Variants in MARCHF10 observed in about 807,000 individuals in gnomAD.
The protein encoded by MARCHF10 is probable E3 ubiquitin-protein ligase MARCHF10.
MARCHF10 carries 64 observed loss-of-function variants against 76.2 expected under a neutral mutation model. The observed-to-expected ratio is 0.84, with a 90% CI of 0.69 to 1.03. MARCHF10 has a LOEUF of 1.03. Ranked by LOEUF, MARCHF10 falls within the 50% of genes least tolerant of loss-of-function variation. The pLI, the probability that MARCHF10 is intolerant of heterozygous loss-of-function variation, is 0.00. For synonymous variants in MARCHF10, 340 were observed against 357.5 expected (o/e 0.95, Z 0.55); for missense variants, 875 against 958.0 (o/e 0.91, Z 1.14).
chr17:62,777,610 T>C (rs2092574858), intron 3 of MARCHF10, among the ~76,000 whole-genome samples: 1 of 143,308 alleles, frequency 7.0e-6, no homozygotes, highest in Non-Finnish European at 1.5e-5. Context: ...TCCCAGATAC[T>C]AGGGAGGCTG....
chr17:62,725,721 A>T (rs1166373302), intron 6 of MARCHF10, among the ~76,000 whole-genome samples: 1 of 152,238 alleles, frequency 6.6e-6, no homozygotes, highest in African/African-American at 2.4e-5. Context: ...TCTCCCTGCC[A>T]GGAAGTTGGT....
intron 8 of MARCHF10, among the ~76,000 whole-genome samples, chr17:62,719,214 C>G (rs189982048): frequency 6.6e-6 from 1 of 152,086 alleles, no homozygotes; most frequent in Non-Finnish European, 1.5e-5. Context: ...TTCTAGTAGC[C>G]ACATTAAAGA....
intron 8 of MARCHF10, chr17:62,714,289 T>G: frequency 1.5e-6 from 1 of 672,608 alleles, no homozygotes; most frequent in Non-Finnish European, 1.8e-6. Context: ...CACCGGACAC[T>G]GTGACTTTAG....
chr17:62,705,971 T>C (rs1456885672), intron 9 of MARCHF10, among the ~76,000 whole-genome samples: 1 of 152,226 alleles, frequency 6.6e-6, no homozygotes. Context: ...CAATCGCTTG[T>C]ATTCTCTGCG....
At chr17:62,774,552 C>T (rs958701821) in intron 3 of MARCHF10, among the ~76,000 whole-genome samples, 2 of 152,012 alleles carry the variant, frequency 1.3e-5, no homozygotes, top group South Asian at 2.1e-4. Context: ...AGCTTCACTG[C>T]GGCAGGGAGG....
intron 8 of MARCHF10, among the ~76,000 whole-genome samples, chr17:62,713,311 A>T (rs1390526960): frequency 6.6e-6 from 1 of 152,194 alleles, no homozygotes; most frequent in Non-Finnish European, 1.5e-5. Flanking sequence ...TCAGCTAGAA[A>T]ATGGTTTGGA....
chr17:62,772,329 G>T (rs150046752), intron 3 of MARCHF10, among the ~76,000 whole-genome samples: 8 of 152,176 alleles, frequency 5.3e-5, no homozygotes, highest in South Asian at 2.1e-4. Context: ...AGTGCCTTTC[G>T]CCTTCTGCCA....
intron 4 of MARCHF10, chr17:62,746,916 A>C (rs1599201234): frequency 6.5e-7 from 1 of 1,536,138 alleles, no homozygotes; most frequent in Non-Finnish European, 8.7e-7. Flanking sequence ...CCCAGACTGC[A>C]CCAGCCAGAA....
In MARCHF10 at chr17:62,714,476, C is replaced by A. The variant is rs1452925637; in HGVS notation, c.2215-3132G>T. 8 of 953,870 alleles carry A rather than the reference C, an allele frequency of 8.4e-6. No homozygotes were observed. In the African/African-American group the frequency reaches 1.4e-4, roughly 17 times the overall value. 59.1% of individuals were successfully genotyped at this position (953,870 alleles called of 1,614,324 possible). A position where few individuals can be genotyped will look rare whatever the true frequency, so the allele number is the denominator to read the frequency against. On this transcript the variant is annotated intron_variant, in intron 8 of 10. Transcript: ENST00000311269. ...AAAGACAGGATTCCAGGTAAATTGT[C>A]TGGGCGTTAAGATCTGTGAGGGCAA...
intron 3 of MARCHF10, among the ~76,000 whole-genome samples, chr17:62,765,476 T>G (rs1219386251): frequency 6.6e-6 from 1 of 151,784 alleles, no homozygotes; most frequent in Non-Finnish European, 1.5e-5. Context: ...GCCTACAGGC[T>G]TCTCTCGGAT....
At chr17:62,762,038 A>C (rs1015932915) in intron 3 of MARCHF10, among the ~76,000 whole-genome samples, 8 of 152,186 alleles carry the variant, frequency 5.3e-5, no homozygotes, top group African/African-American at 1.9e-4. Flanking sequence ...TGTCAGCAGC[A>C]GTAGCAGCAG....
At chr17:62,702,762 C>T (rs1161276775) in intron 10 of MARCHF10, among the ~76,000 whole-genome samples, 1 of 152,180 alleles carries the variant, frequency 6.6e-6, no homozygotes, top group Admixed American at 6.5e-5. Flanking sequence ...GACATCCCCT[C>T]AATCCTACCT....
At chr17:62,730,180 C>T (rs975976991) in intron 6 of MARCHF10, among the ~76,000 whole-genome samples, 5 of 150,856 alleles carry the variant, frequency 3.3e-5, no homozygotes, top group African/African-American at 1.2e-4. Flanking sequence ...AGTGAGACTT[C>T]GTCTCAAAAA....
At chr17:62,776,457 G>A (rs1040746207) in intron 3 of MARCHF10, among the ~76,000 whole-genome samples, 7 of 152,152 alleles carry the variant, frequency 4.6e-5, no homozygotes, top group African/African-American at 1.2e-4. Flanking sequence ...TCAAACGGAC[G>A]GTTCTCCCAT....
chr17:62,739,401 A>T (rs1275149020), intron 5 of MARCHF10, among the ~76,000 whole-genome samples: 2 of 146,644 alleles, frequency 1.4e-5, no homozygotes, highest in Non-Finnish European at 3.0e-5. Context: ...TTTTTTTTTG[A>T]GACAGAGTTT....
intron 3 of MARCHF10, among the ~76,000 whole-genome samples, chr17:62,766,488 G>A (rs1462037622): frequency 1.3e-5 from 2 of 151,398 alleles, no homozygotes; most frequent in African/African-American, 4.9e-5. Context: ...CAACAAGAGC[G>A]AAACTCCGTC....
intron 3 of MARCHF10, among the ~76,000 whole-genome samples, chr17:62,777,106 C>G (rs1475510436): frequency 6.6e-6 from 1 of 152,218 alleles, no homozygotes; most frequent in Non-Finnish European, 1.5e-5. Context: ...ACATTATCCC[C>G]TTTCTTCTCT....
intron 6 of MARCHF10, 41 bp from the exon 7 acceptor site, chr17:62,725,145 G>T: frequency 6.6e-7 from 1 of 1,524,068 alleles, no homozygotes; most frequent in Non-Finnish European, 8.8e-7. Flanking sequence ...GAGGCTACAC[G>T]TTTGCAGTTT....
rs141923678 is a variant in MARCHF10 at position 62,716,141 on chromosome 17, C to T, written c.2215-4797G>A. 1.0e-2 allele frequency among the ~76,000 whole-genome samples: 1,519 copies of T among 152,298 alleles called. 18 individuals are homozygous for T. Among genetic ancestry groups the T allele is most frequent in the African/African-American group, 0.035 (1,437 of 41,542 alleles). On this transcript the variant is annotated intron_variant, in intron 8 of 10. Coordinates refer to ENST00000311269, the MANE Select transcript of MARCHF10 (RefSeq NM_152598.4). ...CAAGTCGGAGTCCCACAGCTGTTCC[C>T]GCAGCGGCCTGCATGGTCCTTGTTT...
Sources: gnomAD v4.1 joint callset for allele counts (sites outside exome capture counted in the v4.1 genomes callset) on GRCh38, gnomAD v4.1.1 for gene constraint, MANE v1.5 for transcripts, NCBI Gene and HGNC (gene_info 2026-07-23, HGNC 2026-07-21) for gene names.